The following RASSF3 variants were observed in gnomAD, a reference collection of about 807,000 sequenced individuals.
The protein encoded by RASSF3 is Ras association domain family member 3, also known as ras association domain-containing protein 3.
RASSF3 carries 19 observed loss-of-function variants against 19.9 expected under a neutral mutation model. That is an observed-to-expected ratio of 0.96 (90% CI 0.67 to 1.40). The LOEUF (loss-of-function observed/expected upper bound fraction) is 1.40, where lower values mean the gene tolerates loss of function less well. Ranked by LOEUF, RASSF3 falls within the 40% of genes most tolerant of loss-of-function variation. The pLI is 0.00. For synonymous variants in RASSF3, 110 were observed against 104.2 expected (o/e 1.06, Z -0.34); for missense variants, 306 against 289.8 (o/e 1.06, Z -0.41).
chr12:64,629,092 A>G (rs1329345020), intron 1 of RASSF3, among the ~76,000 whole-genome samples: 1 of 144,528 alleles, frequency 6.9e-6, no homozygotes, highest in Non-Finnish European at 1.5e-5. Context: ...AGACCACCAC[A>G]CCCGACTAAT....
intron 1 of RASSF3, among the ~76,000 whole-genome samples, chr12:64,524,973 C>A (rs1036006421): frequency 6.6e-6 from 1 of 152,144 alleles, no homozygotes; most frequent in Non-Finnish European, 1.5e-5. Flanking sequence ...TGCTCTACAG[C>A]TCTTTGAAAA....
At chr12:64,612,750 A>G (rs1038073647) in intron 1 of RASSF3, among the ~76,000 whole-genome samples, 1 of 152,164 alleles carries the variant, frequency 6.6e-6, no homozygotes, top group Non-Finnish European at 1.5e-5. Flanking sequence ...TGCAGGGATT[A>G]CAGATGTGAG....
At chr12:64,590,095 G>T (rs188726815) in intron 2 of RASSF3, among the ~76,000 whole-genome samples, 1 of 150,656 alleles carries the variant, frequency 6.6e-6, no homozygotes, top group African/African-American at 2.4e-5. Flanking sequence ...AAATTAGCCA[G>T]GTATGATGGT....
chr12:64,546,568 C>G (rs1284192635), downstream of RASSF3, among the ~76,000 whole-genome samples: 2 of 152,208 alleles, frequency 1.3e-5, no homozygotes, highest in Non-Finnish European at 2.9e-5. Context: ...CTGCACCTGG[C>G]CAATACATTG....
At chr12:64,655,244 A>G (rs372409949) in intron 1 of RASSF3, among the ~76,000 whole-genome samples, 1 of 152,214 alleles carries the variant, frequency 6.6e-6, no homozygotes, top group East Asian at 1.9e-4. Flanking sequence ...AAGGCCTGTG[A>G]TATACTGTGT....
chr12:64,532,587 C>G (rs1406234718), upstream of RASSF3, among the ~76,000 whole-genome samples: 1 of 151,836 alleles, frequency 6.6e-6, no homozygotes, highest in Non-Finnish European at 1.5e-5. Context: ...CTATGGGAGG[C>G]CGAGGTGGGA....
chr12:64,684,577 G>A (rs1263532543), intron 1 of RASSF3, among the ~76,000 whole-genome samples: 5 of 151,842 alleles, frequency 3.3e-5, no homozygotes, highest in South Asian at 2.1e-4. Context: ...GTTTACAAGC[G>A]TGCGCCACCA....
intron 2 of RASSF3, among the ~76,000 whole-genome samples, chr12:64,581,807 T>C (rs1869705653): frequency 6.6e-6 from 1 of 151,628 alleles, no homozygotes; most frequent in Non-Finnish European, 1.5e-5. Flanking sequence ...TTTGTTTTTC[T>C]TTTTTGTTTC....
chr12:64,529,969 A>C (rs938868151), upstream of RASSF3, among the ~76,000 whole-genome samples: 1 of 152,108 alleles, frequency 6.6e-6, no homozygotes, highest in African/African-American at 2.4e-5. Context: ...GAGACCCTGC[A>C]AACTTTTCTA....
intron 1 of RASSF3, among the ~76,000 whole-genome samples, chr12:64,630,985 A>G (rs991107217): frequency 6.6e-6 from 1 of 152,224 alleles, no homozygotes; most frequent in Non-Finnish European, 1.5e-5. Flanking sequence ...TGGGCTATCA[A>G]AGTTTCTGGA....
chr12:64,577,607 C>T (rs115893268), intron 2 of RASSF3, among the ~76,000 whole-genome samples: 2,598 of 152,238 alleles, frequency 0.017, 77 homozygotes, highest in African/African-American at 0.06. Context: ...TGGCAGGCTC[C>T]TCTAGTCTCA....
chr12:64,690,032 G>A (rs373037482), intron 3 of RASSF3, among the ~76,000 whole-genome samples: 3 of 151,630 alleles, frequency 2.0e-5, no homozygotes, highest in Admixed American at 2.0e-4. Context: ...CTTGTGATCC[G>A]CCCGCCTCAG....
intron 1 of RASSF3, among the ~76,000 whole-genome samples, chr12:64,634,345 A>T (rs1871259533): frequency 1.4e-5 from 2 of 144,780 alleles, no homozygotes; most frequent in Admixed American, 7.0e-5. Flanking sequence ...AAAAAAATTC[A>T]TTTTTTCATA....
At chr12:64,642,538 C>T (rs7975455) in intron 1 of RASSF3, among the ~76,000 whole-genome samples, 38,657 of 118,460 alleles carry the variant, frequency 0.33, 6,125 homozygotes, top group Middle Eastern at 0.47. Context: ...CCAGCCTGGG[C>T]GACAGAACGA....
chr12:64,636,481 A>G (rs529751875), intron 1 of RASSF3, among the ~76,000 whole-genome samples: 1 of 152,250 alleles, frequency 6.6e-6, no homozygotes, highest in South Asian at 2.1e-4. Context: ...GGGAGTGGTA[A>G]GGAAGGAGTT....
chr12:64,593,481 A>G (rs1472425524), intron 2 of RASSF3, among the ~76,000 whole-genome samples: 4 of 152,058 alleles, frequency 2.6e-5, no homozygotes, highest in Admixed American at 2.0e-4. Flanking sequence ...TCAGCCTCCC[A>G]AAGTGCTGGG....
upstream of RASSF3, chr12:64,533,203 C>G (rs766305717): frequency 6.6e-6 from 1 of 152,208 alleles, no homozygotes; most frequent in South Asian, 2.1e-4. Flanking sequence ...CAGGCCTGGC[C>G]GGCTCAGCCT....
At chr12:64,619,351 A>G (rs915024403) in intron 1 of RASSF3, among the ~76,000 whole-genome samples, 8 of 151,838 alleles carry the variant, frequency 5.3e-5, no homozygotes, top group Admixed American at 5.3e-4. Context: ...CACATGAGCC[A>G]ATAAGATAAA....
chr12:64,516,701 T>A (rs1174705327), intron 1 of RASSF3, among the ~76,000 whole-genome samples: 1 of 146,508 alleles, frequency 6.8e-6, no homozygotes, highest in Admixed American at 6.8e-5. Context: ...ATTAATTAAC[T>A]GAAAATAAGA....
Sources: allele counts gnomAD v4.1 joint callset (sites outside exome capture counted in the v4.1 genomes callset), GRCh38; gene constraint gnomAD v4.1.1; transcripts MANE v1.5; gene names NCBI Gene and HGNC (gene_info 2026-07-23, HGNC 2026-07-21).